Variants in RHPN1 observed in about 807,000 individuals in gnomAD.
The protein encoded by RHPN1 is rhophilin Rho GTPase binding protein 1, also known as rhophilin-1.
Under a neutral mutation model 74.7 loss-of-function variants are expected in RHPN1, and 77 were observed. The observed-to-expected ratio is 1.03, with a 90% CI of 0.86 to 1.25. RHPN1 has a LOEUF of 1.25. Ranked by LOEUF, RHPN1 falls within the 50% of genes most tolerant of loss-of-function variation. The pLI, the probability that RHPN1 is intolerant of heterozygous loss-of-function variation, is 0.00. For missense variants in RHPN1, 987 were observed against 932.2 expected (o/e 1.06, Z -0.77); for synonymous variants, 444 against 414.5 (o/e 1.07, Z -0.87).
At chr8:143,369,093 G>A (rs1329460884) in intron 1 of RHPN1, 46 bp downstream of exon 1, 1 of 1,406,336 alleles carries the variant, frequency 7.1e-7, no homozygotes, top group Admixed American at 2.9e-5. Context: ...CCGGAATCCC[G>A]GCCTTTTCCT....
At position 143,377,380 on chromosome 8, in the gene RHPN1, C is replaced by T. The variant is rs763004483; in HGVS notation, c.306C>T (p.Ser102=). The T allele has an allele frequency of 5.6e-6, 9 of 1,612,492 alleles. No homozygotes were observed. Among genetic ancestry groups the T allele is most frequent in the East Asian group, 4.5e-5 (2 of 44,878 alleles). Residue 102 remains serine (S), a splice_region_variant and synonymous_variant, in exon 4 of 15, where the codon AGC becomes AGT. Transcript: ENST00000289013. Reference sequence around the variant, plus strand: ...CTGAAGTCGATGCTTCTGGTTACAGCGAAGCTGTCACTGTCCCCATGATCC... The same window carrying T: ...CTGAAGTCGATGCTTCTGGTTACAGTGAAGCTGTCACTGTCCCCATGATCC... ...SGGVDPGRHG[S]EAVTVPMIPL... is the part of the protein sequence containing the mutation.
chr8:143,381,680 G>A lies in RHPN1; in HGVS notation c.1597G>A (p.Val533Ile). The A allele has an allele frequency of 1.2e-6, 2 of 1,611,634 alleles. No homozygotes were observed. Among genetic ancestry groups the A allele is most frequent in the Non-Finnish European group, 1.7e-6 (2 of 1,179,524 alleles). Residue 533 changes from valine (V) to isoleucine (I), a missense_variant, in exon 13 of 15, where the codon GTC becomes ATC. By Grantham distance (29) the Val-to-Ile change is conservative. Transcript: ENST00000289013. Reference sequence around the variant, plus strand: ...CCTCACGCTTCGGGGAGACTCGCCTGTCCTCATCGCTGCCGTCATTCCAGG... The same window carrying A: ...CCTCACGCTTCGGGGAGACTCGCCTATCCTCATCGCTGCCGTCATTCCAGG... ...FGLTLRGDSP[V>I]LIAAVIPGSQ... is the part of the protein sequence containing the mutation.
intron 3 of RHPN1, 25 bp downstream of exon 3, chr8:143,376,678 CGTGCG>C (rs1563793256): frequency 1.3e-6 from 2 of 1,551,394 alleles, no homozygotes; most frequent in East Asian, 4.9e-5. Flanking sequence ...CGGGACAGCA[CGTGCG>C]TGTATGTGTG....
At position 143,380,121 on chromosome 8, in the gene RHPN1, T is replaced by C; in HGVS notation, c.1162T>C (p.Ser388Pro). ...GGTCTTCCTGCAGCCCCCCACCTCC[T>C]CTAAGCCCCGAGGCCCTGTGCTGCC... ...EQVFLQPPTS[S>P]KPRGPVLPQE... is the part of the protein sequence containing the mutation. Residue 388 changes from serine to proline, a missense_variant, in exon 10 of 15, where the codon TCT (serine) becomes CCT (proline). Ser to Pro is a moderately conservative substitution (Grantham distance 74, BLOSUM62 -1). Transcript: ENST00000289013. 1 of 1,551,462 alleles carries C rather than the reference T, an allele frequency of 6.4e-7. No homozygotes were observed. Among genetic ancestry groups the C allele is most frequent in the Non-Finnish European group, 8.7e-7 (1 of 1,148,842 alleles).
chr8:143,379,979 G>A lies in RHPN1; in HGVS notation c.1096G>A (p.Gly366Ser), dbSNP rs371467725. Residue 366 changes from glycine (G) to serine (S), a missense_variant, in exon 9 of 15, where the codon GGC becomes AGC. Physicochemically the swap from Gly to Ser is moderately conservative, Grantham distance 56. Transcript: ENST00000289013. ...HYHVAMALCD[G>S]SPATEGELPT... ...CCACGTAGCCATGGCCCTCTGCGACGGCTCCCGTGAGTGCCCACCACACTT... is the reference window on the plus strand; with the variant it reads ...CCACGTAGCCATGGCCCTCTGCGACAGCTCCCGTGAGTGCCCACCACACTT... 67 of 1,561,846 alleles carry A rather than the reference G, an allele frequency of 4.3e-5. No homozygotes were observed. Among genetic ancestry groups the A allele is most frequent in the East Asian group, 3.8e-4 (16 of 41,570 alleles).
chr8:143,365,681 T>C (rs573088450), upstream of RHPN1, among the ~76,000 whole-genome samples: 1 of 152,318 alleles, frequency 6.6e-6, no homozygotes, highest in African/African-American at 2.4e-5. Flanking sequence ...AGGCTCACAC[T>C]TGCAAAGTAC....
At chr8:143,378,228 G>A in intron 4 of RHPN1, 41 bp from the exon 5 acceptor site, 4 of 1,510,014 alleles carry the variant, frequency 2.6e-6, no homozygotes, top group Middle Eastern at 3.4e-4. Context: ...AGGAGGCCAG[G>A]CACAGGGGTA....
At chr8:143,379,805 C>A (rs763857396) in intron 8 of RHPN1, 24 bp from the exon 9 acceptor site, 2 of 1,593,866 alleles carry the variant, frequency 1.3e-6, no homozygotes, top group Non-Finnish European at 1.7e-6. Context: ...GAGGCCCTCG[C>A]GTGCCTGCCA....
Position 143,376,649 on chromosome 8 carries a change from G to T in RHPN1, c.301G>T (p.Gly101Trp). ...LSGGVDPGRH[G>W]SEAVTVPMIP... ...CGGTGGCGTGGACCCTGGCCGGCAT[G>T]GGAGGTGCGGGTGGGGGCCGGGACA... Residue 101 changes from glycine (G) to tryptophan (W), a missense_variant, in exon 3 of 15, where the codon GGG becomes TGG. Physicochemically the swap from Gly to Trp is radical, Grantham distance 184 (BLOSUM62 -2). Transcript: ENST00000289013. The T allele has an allele frequency of 6.4e-7, 1 of 1,566,008 alleles. No individual in the cohort carries two copies. Among genetic ancestry groups the T allele is most frequent in the South Asian group, 1.2e-5 (1 of 85,680 alleles).
intron 1 of RHPN1, among the ~76,000 whole-genome samples, chr8:143,369,892 C>T (rs1817712601): frequency 1.3e-5 from 2 of 152,222 alleles, no homozygotes; most frequent in South Asian, 2.1e-4. Context: ...GGGGTTAGGT[C>T]TCCTAGAGGA....
intron 3 of RHPN1, among the ~76,000 whole-genome samples, chr8:143,377,170 GTC>G (rs915465511): frequency 4.6e-5 from 7 of 152,190 alleles, no homozygotes; most frequent in African/African-American, 9.7e-5. Flanking sequence ...GCATGTGTGT[GTC>G]TCTGTGTGTG....
rs1426422963 is a variant in RHPN1, at chr8:143,382,362, C to T, written c.1798-74C>T. 7 of 1,364,130 alleles carry T rather than the reference C, an allele frequency of 5.1e-6. No homozygotes were observed. The African/African-American group carries it at 5.8e-5, about 11-fold the overall frequency. The allele number at this position is 1,364,130 out of a possible 1,614,324, so 84.5% of individuals were successfully genotyped here. A position where few individuals can be genotyped will look rare whatever the true frequency, so the allele number is the denominator to read the frequency against. On this transcript the variant is annotated intron_variant, in intron 14 of 14. Coordinates refer to ENST00000289013, the MANE Select transcript of RHPN1 (RefSeq NM_052924.3). The stretch of plus-strand genomic sequence containing the variant: ...GCCAGCCCCTCCCAGGTGGTTCTCA[C>T]CCCTCCCAGACTGGCTGCAGGTGGG...
chr8:143,382,900 G>T lies in RHPN1; in HGVS notation c.*249G>T. The T allele has an allele frequency of 1.8e-6, 1 of 550,486 alleles. No homozygotes were observed. Among genetic ancestry groups the T allele is most frequent in the South Asian group, 2.2e-5 (1 of 45,540 alleles). 34.1% of individuals were successfully genotyped at this position (550,486 alleles called of 1,614,324 possible). ...GGTCTGAGGTCAGCTTCCTGGGGCTGCCCCACCCTGAGGGCTCCTTACAGG... is the reference window on the plus strand; with the variant it reads ...GGTCTGAGGTCAGCTTCCTGGGGCTTCCCCACCCTGAGGGCTCCTTACAGG... On this transcript the variant is annotated 3_prime_UTR_variant, in exon 15 of 15. Coordinates refer to ENST00000289013, the MANE Select transcript of RHPN1 (RefSeq NM_052924.3).
At chr8:143,382,244 C>G (rs902105513) in intron 14 of RHPN1, among the ~76,000 whole-genome samples, 192 bp from the exon 15 acceptor site, 57 of 152,228 alleles carry the variant, frequency 3.7e-4, no homozygotes, top group African/African-American at 1.1e-3. Context: ...GAGGTTTTCT[C>G]TACCCAGCAT....
At position 143,381,926 on chromosome 8, in the gene RHPN1, G is replaced by A. The variant is rs1818765619; in HGVS notation, c.1755G>A (p.Leu585=). Residue 585 remains leucine (L), a synonymous_variant, in exon 14 of 15, where the codon CTG becomes CTA. Transcript: ENST00000289013. ...LKAAGEAGAS[L]QVVSLLPSSR... is the part of the protein sequence containing the mutation. Reference sequence around the variant, plus strand: ...CTGCGGGAGAGGCGGGCGCCAGCCTGCAGGTGGTGTCGCTGCTGCCCAGCT... The same window carrying A: ...CTGCGGGAGAGGCGGGCGCCAGCCTACAGGTGGTGTCGCTGCTGCCCAGCT... The A allele has an allele frequency of 1.2e-6, 2 of 1,610,416 alleles. No homozygotes were observed. The highest frequency in any genetic ancestry group is 8.5e-7 in the Non-Finnish European group (1 of 1,179,046).
chr8:143,382,300 C>T, intron 14 of RHPN1, 136 bp from the exon 15 acceptor site: 3 of 770,796 alleles, frequency 3.9e-6, no homozygotes, highest in Non-Finnish European at 6.3e-6. Context: ...TGCTATGTGG[C>T]CACCCTGATG....
intron 3 of RHPN1, 134 bp from the exon 4 acceptor site, chr8:143,377,246 C>A (rs919830049): frequency 1.5e-6 from 1 of 654,370 alleles, no homozygotes; most frequent in Admixed American, 2.7e-5. Flanking sequence ...GGATGCCCCC[C>A]AGGACACAGG....
intron 3 of RHPN1, among the ~76,000 whole-genome samples, chr8:143,377,161 CAT>C (rs1419162021): frequency 6.6e-6 from 1 of 151,436 alleles, no homozygotes; most frequent in Admixed American, 6.6e-5. Context: ...TGTGCGCGCG[CAT>C]GTGTGTGTCT....
At chr8:143,379,677 T>C in intron 8 of RHPN1, 152 bp from the exon 9 acceptor site, 1 of 985,392 alleles carries the variant, frequency 1.0e-6, no homozygotes, top group Non-Finnish European at 1.2e-6. Flanking sequence ...GACCCGAGCC[T>C]CTGCCTCCAG....
Sources: allele counts gnomAD v4.1 joint callset (sites outside exome capture counted in the v4.1 genomes callset), GRCh38; gene constraint gnomAD v4.1.1; transcripts MANE v1.5; gene names NCBI Gene and HGNC (gene_info 2026-07-23, HGNC 2026-07-21).